Variants in SORCS1 observed in about 807,000 individuals in gnomAD.
SORCS1 encodes the protein VPS10 domain-containing receptor SorCS1.
A neutral mutation model predicts 146.1 loss-of-function variants in SORCS1; 60 were observed. The ratio of observed to expected loss-of-function variants is 0.41; its 90% CI spans 0.33 to 0.51. The LOEUF is 0.51. Among genes scored for constraint, SORCS1 ranks in the 20% least tolerant of loss-of-function variants. The probability of loss-of-function intolerance (pLI) is 0.21; values close to 1 mark genes in which losing one functional copy is unlikely to be tolerated. For synonymous variants in SORCS1, 637 were observed against 584.0 expected, an observed-to-expected ratio of 1.09 and a Z score of -1.31; for missense variants, 1,352 against 1,487.6, an observed-to-expected ratio of 0.91 and a Z score of 1.50.
At chr10:106,996,318 C>A (rs1957000566) in intron 1 of SORCS1, among the ~76,000 whole-genome samples, 1 of 151,158 alleles carries the variant, frequency 6.6e-6, no homozygotes. Context: ...AACTGAGCCT[C>A]TATACAAGGG....
intron 12 of SORCS1, among the ~76,000 whole-genome samples, chr10:106,677,716 TTAAC>T: frequency 6.6e-6 from 1 of 152,326 alleles, no homozygotes; most frequent in East Asian, 1.9e-4. Context: ...AGAATATTGG[TTAAC>T]TGTCATATAT....
At chr10:107,132,009 A>G (rs573787509) in intron 1 of SORCS1, among the ~76,000 whole-genome samples, 63 of 152,250 alleles carry the variant, frequency 4.1e-4, no homozygotes, top group Non-Finnish European at 7.1e-4. Flanking sequence ...TTCTTTGAGA[A>G]GAAAGTAGCA....
In SORCS1 at chr10:106,665,787, C is replaced by T. The variant is rs147197515; in HGVS notation, c.2303+1902G>A. On this transcript the variant is annotated intron_variant, in intron 17 of 25. Coordinates refer to ENST00000263054, the MANE Select transcript of SORCS1 (RefSeq NM_052918.5). ...GTAACTTAATATGCGAACTTGACTG[C>T]GCCATAGTATGCCCAGATATTTGGT... Among the ~76,000 whole-genome samples, 65 of 152,170 alleles carry T rather than the reference C, an allele frequency of 4.3e-4. No individual in the cohort carries two copies. The East Asian group carries it at 0.011, about 27-fold the overall frequency.
chr10:107,137,903 G>A (rs1379594624), intron 1 of SORCS1, among the ~76,000 whole-genome samples: 1 of 151,352 alleles, frequency 6.6e-6, no homozygotes, highest in Non-Finnish European at 1.5e-5. Flanking sequence ...AATTTTATAC[G>A]CTTTTTTAAC....
intron 2 of SORCS1, among the ~76,000 whole-genome samples, chr10:106,857,709 T>C (rs1472083883): frequency 6.6e-6 from 1 of 152,236 alleles, no homozygotes; most frequent in Admixed American, 6.5e-5. Context: ...TATCATTCAT[T>C]GACAGATTTT....
At chr10:106,850,648 C>G (rs1949528251) in intron 2 of SORCS1, among the ~76,000 whole-genome samples, 1 of 152,176 alleles carries the variant, frequency 6.6e-6, no homozygotes, top group Admixed American at 6.5e-5. Flanking sequence ...AAGGCATTCC[C>G]AAGACACCCA....
intron 1 of SORCS1, among the ~76,000 whole-genome samples, chr10:107,035,262 C>CAAAAAAAAAAAAAA (rs201009614): frequency 2.1e-4 from 6 of 28,276 alleles, no homozygotes; most frequent in Non-Finnish European, 4.5e-4. Flanking sequence ...AGTGAAGCTT[C>CAAAAAAAAAAAAAA]AAAAAAAAAA....
chr10:106,716,651 T>G (rs1589725679), intron 6 of SORCS1, among the ~76,000 whole-genome samples: 1 of 152,334 alleles, frequency 6.6e-6, no homozygotes, highest in East Asian at 1.9e-4. Context: ...TTCCTGTTAC[T>G]CAGTCCAAAT....
In SORCS1 at chr10:106,635,370, T is replaced by C. The variant is rs141206037; in HGVS notation, c.2476-5982A>G. On this transcript the variant is annotated intron_variant, in intron 18 of 25. Transcript: ENST00000263054. ...TTCTTGGAAGAAAGCAGAAACCACA[T>C]TGCAGAAAAATCACTAGTATAACCC... Among the ~76,000 whole-genome samples, 219 of 152,214 alleles carry C rather than the reference T, an allele frequency of 1.4e-3. 1 individual carries two copies. The highest frequency in any genetic ancestry group is 5.0e-3 in the African/African-American group (209 of 41,532).
At chr10:107,100,439 G>A (rs111768473) in intron 1 of SORCS1, among the ~76,000 whole-genome samples, 10 of 151,960 alleles carry the variant, frequency 6.6e-5, no homozygotes, top group Non-Finnish European at 1.0e-4. Flanking sequence ...GTGTGAACCC[G>A]GGAGGCAGAG....
chr10:106,881,207 T>C (rs1950794788), intron 2 of SORCS1, among the ~76,000 whole-genome samples: 1 of 152,112 alleles, frequency 6.6e-6, no homozygotes, highest in Admixed American at 6.6e-5. Flanking sequence ...AGCTAGACCT[T>C]CATTAACATC....
intron 2 of SORCS1, among the ~76,000 whole-genome samples, chr10:106,893,183 G>A (rs569871235): frequency 1.2e-4 from 18 of 152,132 alleles, no homozygotes; most frequent in Non-Finnish European, 2.1e-4. Flanking sequence ...GAATACAGGC[G>A]TGAGCCACCG....
chr10:106,806,730 T>C (rs961780710), intron 3 of SORCS1, among the ~76,000 whole-genome samples: 4 of 151,846 alleles, frequency 2.6e-5, no homozygotes, highest in Admixed American at 1.3e-4. Context: ...TTAGCCAGGA[T>C]GGTCTCCACC....
At chr10:107,048,458 G>T (rs1052544526) in intron 1 of SORCS1, among the ~76,000 whole-genome samples, 3 of 152,046 alleles carry the variant, frequency 2.0e-5, no homozygotes, top group Admixed American at 6.6e-5. Flanking sequence ...TTTCAATTAG[G>T]GTATAAATTC....
chr10:106,990,591 G>A (rs772044268), intron 1 of SORCS1, among the ~76,000 whole-genome samples: 4 of 152,150 alleles, frequency 2.6e-5, no homozygotes, highest in Middle Eastern at 3.2e-3. Flanking sequence ...TCTTCAGAAC[G>A]AATGCTGGTC....
chr10:106,850,074 C>G (rs1343907465), intron 2 of SORCS1, among the ~76,000 whole-genome samples: 2 of 152,022 alleles, frequency 1.3e-5, no homozygotes, highest in Admixed American at 6.5e-5. Context: ...GTGGAGTGTA[C>G]AGAGGCAGGC....
chr10:106,994,063 C>CAAAAA (rs67408221), intron 1 of SORCS1, among the ~76,000 whole-genome samples: 18 of 80,786 alleles, frequency 2.2e-4, no homozygotes, highest in East Asian at 4.4e-4. Context: ...GACCCCATCT[C>CAAAAA]AAAAAAAAAA....
intron 1 of SORCS1, among the ~76,000 whole-genome samples, chr10:107,008,813 T>C (rs1327486473): frequency 6.6e-6 from 1 of 152,136 alleles, no homozygotes; most frequent in Non-Finnish European, 1.5e-5. Flanking sequence ...CTGGCCAACA[T>C]GGTGAAACCC....
At chr10:106,755,624 A>G (rs974710234) in intron 5 of SORCS1, among the ~76,000 whole-genome samples, 1 of 151,448 alleles carries the variant, frequency 6.6e-6, no homozygotes, top group African/African-American at 2.4e-5. Context: ...TTCCCTTTTT[A>G]GGAATTACAT....
Sources: gnomAD v4.1 joint callset for allele counts (sites outside exome capture counted in the v4.1 genomes callset) on GRCh38, gnomAD v4.1.1 for gene constraint, MANE v1.5 for transcripts, NCBI Gene and HGNC (gene_info 2026-07-23, HGNC 2026-07-21) for gene names.